The following EDA variants were observed in gnomAD, a reference collection of about 807,000 sequenced individuals.
The protein encoded by EDA is ectodysplasin-A.
A neutral mutation model predicts 23.6 loss-of-function variants in EDA; 2 were observed. The ratio of observed to expected loss-of-function variants is 0.08; its 90% confidence interval spans 0.03 to 0.27. EDA has a LOEUF of 0.27. Ranked by LOEUF, EDA falls within the 10% of genes least tolerant of loss-of-function variation. The pLI, the probability that EDA is intolerant of heterozygous loss-of-function variation, is 1.00. For missense variants in EDA, 229 were observed against 324.2 expected, an observed-to-expected ratio of 0.71 and a Z score of 2.26; for synonymous variants, 131 against 132.0, an observed-to-expected ratio of 0.99 and a Z score of 0.05.
chrX:69,919,069 T>G (rs2018388545), intron 1 of EDA, among the ~76,000 whole-genome samples: 1 of 111,644 alleles, frequency 9.0e-6, no homozygotes. Flanking sequence ...GCTATTCAGC[T>G]TCTCCAAACT....
chrX:69,834,313 C>T (rs959441512), intron 1 of EDA, among the ~76,000 whole-genome samples: 1 of 110,621 alleles, frequency 9.0e-6, no homozygotes, highest in African/African-American at 3.3e-5. Context: ...GTGTTAAAGT[C>T]TCCCATTATT....
chrX:69,616,128 C>A lies in EDA; in HGVS notation c.-181C>A. The A allele has an allele frequency of 2.4e-6, 1 of 413,278 alleles. No individual in the cohort carries two copies. The allele number at this position is 413,278 out of a possible 1,213,427, so 34.1% of individuals were successfully genotyped here. A position where few individuals can be genotyped will look rare whatever the true frequency, so the allele number is the denominator to read the frequency against. On this transcript the variant is annotated 5_prime_UTR_variant, in exon 1 of 8. Coordinates refer to ENST00000374552, the MANE Select transcript of EDA (RefSeq NM_001399.5). Reference sequence around the variant, plus strand: ...CCCTCCTCCTCCCTTTCCCACCCCTCGGAGTAGAGCTGCACATGCGGCTGC... The same window carrying A: ...CCCTCCTCCTCCCTTTCCCACCCCTAGGAGTAGAGCTGCACATGCGGCTGC...
rs3764743 is a variant in EDA, at chrX:70,027,566, T to A, written c.527-291T>A. On this transcript the variant is annotated intron_variant, in intron 3 of 7. Transcript: ENST00000374552. The stretch of plus-strand genomic sequence containing the variant: ...GGCCAGGCGCGGTGGCTCACGCCTG[T>A]AATCCCAGCATTTTGGGAGGCTGAG... Among the ~76,000 whole-genome samples, 9,714 of 111,255 alleles carry A rather than the reference T, an allele frequency of 0.087. 750 individuals carry two copies. Among genetic ancestry groups the A allele is most frequent in the East Asian group, 0.61 (2,113 of 3,445 alleles).
At chrX:69,990,024 A>G (rs763465579) in intron 2 of EDA, among the ~76,000 whole-genome samples, 2 of 104,298 alleles carry the variant, frequency 1.9e-5, no homozygotes, top group Non-Finnish European at 3.9e-5. Context: ...TATTTGTCAT[A>G]TAATTCTATC....
At chrX:69,911,231 G>A (rs2018262562) in intron 1 of EDA, among the ~76,000 whole-genome samples, 1 of 111,910 alleles carries the variant, frequency 8.9e-6, no homozygotes, top group East Asian at 2.8e-4. Flanking sequence ...CCCTGCACAT[G>A]TACAGTTCAA....
At chrX:69,750,387 G>T (rs1374466332) in intron 1 of EDA, among the ~76,000 whole-genome samples, 1 of 109,571 alleles carries the variant, frequency 9.1e-6, no homozygotes, top group African/African-American at 3.3e-5. Flanking sequence ...ATTCCATGGT[G>T]TATATGTGCC....
intron 1 of EDA, among the ~76,000 whole-genome samples, chrX:69,703,608 G>A (rs1425760106): frequency 8.9e-6 from 1 of 112,170 alleles, no homozygotes; most frequent in Non-Finnish European, 1.9e-5. Context: ...ATAGTCTCCT[G>A]TAAACAGAAA....
At chrX:70,024,199 A>G (rs2020079104) in intron 3 of EDA, among the ~76,000 whole-genome samples, 1 of 112,856 alleles carries the variant, frequency 8.9e-6, no homozygotes. Context: ...ATGGAGCTTT[A>G]TAGAATAGAT....
intron 2 of EDA, among the ~76,000 whole-genome samples, chrX:69,989,106 A>G (rs916004858): frequency 7.2e-5 from 8 of 111,091 alleles, no homozygotes; most frequent in African/African-American, 2.6e-4. Context: ...AGGCTTAACA[A>G]GGTGGTGAAA....
intron 1 of EDA, among the ~76,000 whole-genome samples, chrX:69,830,036 C>A (rs1333942648): frequency 9.1e-6 from 1 of 109,713 alleles, no homozygotes; most frequent in Non-Finnish European, 1.9e-5. Context: ...TTTTTACTGA[C>A]AATAACAGGC....
rs1254744048 is a variant in EDA at position 69,740,195 on chromosome X, T to C, written c.396+123491T>C. On this transcript the variant is annotated intron_variant, in intron 1 of 7. Coordinates refer to ENST00000374552, the MANE Select transcript of EDA (RefSeq NM_001399.5). ...GAAGAAAGAATAAACATATACATTT[T>C]ACTGTCTTTCTAAGTGTATAATTAC... Among the ~76,000 whole-genome samples the C allele has an allele frequency of 3.6e-5, 4 of 111,373 alleles. No homozygotes were observed. In the Admixed American group the frequency reaches 3.8e-4, roughly 11 times the overall value.
At position 69,961,737 on chromosome X, in the gene EDA, G is replaced by T. The variant is rs781276783; in HGVS notation, c.502+4605G>T. The stretch of plus-strand genomic sequence containing the variant: ...ATTTCTTCCTTGAATTCACTGACTT[G>T]AGTTGGCCAGAAGTATTTCAGATCG... On this transcript the variant is annotated intron_variant, in intron 2 of 7. Coordinates refer to ENST00000374552, the MANE Select transcript of EDA (RefSeq NM_001399.5). Among the ~76,000 whole-genome samples, 4 of 112,415 alleles carry T rather than the reference G, an allele frequency of 3.6e-5. No individual in the cohort carries two copies. The East Asian group carries it at 1.1e-3, about 31-fold the overall frequency.
intron 1 of EDA, among the ~76,000 whole-genome samples, chrX:69,682,614 C>G (rs762155421): frequency 1.8e-5 from 2 of 112,210 alleles, no homozygotes; most frequent in Middle Eastern, 4.6e-3. Flanking sequence ...CTTTCTTTGA[C>G]TAGGAAAGGG....
rs1330108231 is a variant in EDA at position 69,616,270 on chromosome X, G to T, written c.-39G>T. 2 of 1,157,735 alleles carry T rather than the reference G, an allele frequency of 1.7e-6. No individual in the cohort carries two copies. The highest frequency in any genetic ancestry group is 5.1e-5 in the Admixed American group (2 of 39,278). The stretch of plus-strand genomic sequence containing the variant: ...CGTGAACGGCTGAGGCAGACGCAGC[G>T]GCTCCCGGGCCTCAAGAGAGTGGGT... On this transcript the variant is annotated 5_prime_UTR_variant, in exon 1 of 8. Transcript: ENST00000374552.
chrX:69,753,178 A>T (rs1260608032), intron 1 of EDA, among the ~76,000 whole-genome samples: 2 of 111,442 alleles, frequency 1.8e-5, no homozygotes, highest in Non-Finnish European at 1.9e-5. Context: ...TAGGGTGTCA[A>T]TTTTAGATCT....
intron 1 of EDA, among the ~76,000 whole-genome samples, chrX:69,910,036 A>G (rs995640829): frequency 1.1e-4 from 12 of 112,174 alleles, no homozygotes; most frequent in African/African-American, 3.2e-4. Context: ...GCATTGTTGC[A>G]TATCTCTTTT....
At chrX:69,908,319 G>C (rs1360548617) in intron 1 of EDA, among the ~76,000 whole-genome samples, 1 of 110,742 alleles carries the variant, frequency 9.0e-6, no homozygotes, top group Non-Finnish European at 1.9e-5. Context: ...GTAGAGACCA[G>C]GACATAAGAG....
At chrX:69,960,086 C>T (rs2019077386) in intron 2 of EDA, among the ~76,000 whole-genome samples, 1 of 111,446 alleles carries the variant, frequency 9.0e-6, no homozygotes, top group Non-Finnish European at 1.9e-5. Flanking sequence ...AGAGGAATGA[C>T]AGGATCTGAT....
intron 1 of EDA, among the ~76,000 whole-genome samples, chrX:69,759,001 T>C (rs751395400): frequency 6.2e-4 from 70 of 112,782 alleles, no homozygotes; most frequent in Non-Finnish European, 1.0e-3. Context: ...GATCTGTTTA[T>C]CCTCTAATGC....
Sources: allele counts gnomAD v4.1 joint callset (sites outside exome capture counted in the v4.1 genomes callset), GRCh38; gene constraint gnomAD v4.1.1; transcripts MANE v1.5; gene names NCBI Gene and HGNC (gene_info 2026-07-23, HGNC 2026-07-21).